The following RTL4 variants were observed in gnomAD, a reference collection of about 807,000 sequenced individuals.
RTL4 encodes the protein retrotransposon Gag-like protein 4.
RTL4 carries 4 observed loss-of-function variants against 5.3 expected under a neutral mutation model. The observed-to-expected ratio is 0.75, with a 90% CI of 0.37 to 1.72. The LOEUF (loss-of-function observed/expected upper bound fraction) is 1.72. Ranked by LOEUF, RTL4 falls within the 40% of genes most tolerant of loss-of-function variation. The probability of loss-of-function intolerance (pLI) is 0.04; values close to 1 mark genes in which losing one functional copy is unlikely to be tolerated. For missense variants in RTL4, 260 were observed against 227.1 expected (o/e 1.14, Z -0.93); for synonymous variants, 98 against 87.3 (o/e 1.12, Z -0.68).
the RTL4 span, among the ~76,000 whole-genome samples, chrX:112,099,605 T>C: frequency 0.16 from 18,178 of 110,503 alleles, 2,299 homozygotes; most frequent in African/African-American, 0.43. Context: ...GAAGGTGTGG[T>C]AGGATATAGA....
upstream of RTL4, among the ~76,000 whole-genome samples, chrX:112,453,695 G>A (rs1163000766): frequency 9.8e-5 from 11 of 112,193 alleles, no homozygotes; most frequent in Non-Finnish European, 7.5e-5. Flanking sequence ...GCTCTTTAGA[G>A]CAGCATTTCT....
At chrX:112,351,488 A>T in the RTL4 span, among the ~76,000 whole-genome samples, 2 of 107,623 alleles carry the variant, frequency 1.9e-5, no homozygotes, top group African/African-American at 3.5e-5. Flanking sequence ...CCCATTATTA[A>T]TGTGTGGGAG....
At chrX:112,426,157 G>A in the RTL4 span, among the ~76,000 whole-genome samples, 2 of 111,496 alleles carry the variant, frequency 1.8e-5, no homozygotes, top group African/African-American at 6.5e-5. Flanking sequence ...TGGATGTCCA[G>A]TTGTTCTAGC....
At chrX:112,381,677 A>T in the RTL4 span, 1 of 1,210,455 alleles carries the variant, frequency 8.3e-7, no homozygotes, top group South Asian at 1.8e-5. Context: ...AAAGGAAAAT[A>T]TCCAATCCAG....
chrX:112,315,133 G>A, the RTL4 span, among the ~76,000 whole-genome samples: 1 of 111,749 alleles, frequency 8.9e-6, no homozygotes, highest in Non-Finnish European at 1.9e-5. Context: ...AAGAGAGAAA[G>A]CTCCAGAAGT....
At chrX:112,130,651 G>A in the RTL4 span, among the ~76,000 whole-genome samples, 2 of 111,118 alleles carry the variant, frequency 1.8e-5, no homozygotes, top group East Asian at 2.8e-4. Context: ...CTAAATGGGA[G>A]TATGACAACT....
At chrX:112,316,264 T>C in the RTL4 span, among the ~76,000 whole-genome samples, 4 of 112,212 alleles carry the variant, frequency 3.6e-5, no homozygotes, top group African/African-American at 9.7e-5. Flanking sequence ...GAAGATTCAA[T>C]AATCCTGTTG....
chrX:112,140,063 G>A, the RTL4 span, among the ~76,000 whole-genome samples: 2,444 of 112,004 alleles, frequency 0.022, 65 homozygotes, highest in African/African-American at 0.076. Context: ...GCATGAAAAC[G>A]GACTAATACA....
At chrX:112,297,099 T>C in the RTL4 span, among the ~76,000 whole-genome samples, 28 of 110,733 alleles carry the variant, frequency 2.5e-4, no homozygotes, top group Admixed American at 4.8e-4. Context: ...TCTGTCATAA[T>C]GTTTTGGAAG....
At chrX:112,099,602 T>C in the RTL4 span, among the ~76,000 whole-genome samples, 2 of 111,023 alleles carry the variant, frequency 1.8e-5, no homozygotes, top group Admixed American at 9.7e-5. Context: ...GGGGAAGGTG[T>C]GGTAGGATAT....
chrX:112,421,220 G>A, the RTL4 span, among the ~76,000 whole-genome samples: 14 of 111,596 alleles, frequency 1.3e-4, no homozygotes, highest in Non-Finnish European at 2.3e-4. Flanking sequence ...GATTTGTCAA[G>A]ACTATTGACA....
the RTL4 span, among the ~76,000 whole-genome samples, chrX:112,233,843 C>G: frequency 8.9e-6 from 1 of 111,733 alleles, no homozygotes; most frequent in Non-Finnish European, 1.9e-5. Flanking sequence ...AGTACCAATT[C>G]CCTGTCTGTT....
At chrX:112,322,926 T>C in the RTL4 span, among the ~76,000 whole-genome samples, 2 of 112,086 alleles carry the variant, frequency 1.8e-5, no homozygotes, top group Non-Finnish European at 3.8e-5. Context: ...CTATAATTTA[T>C]TCAGCCTTCA....
chrX:112,392,317 G>A, the RTL4 span, among the ~76,000 whole-genome samples: 4 of 111,471 alleles, frequency 3.6e-5, no homozygotes, highest in Admixed American at 9.5e-5. Flanking sequence ...ATAACAGTCC[G>A]GACACTTGTC....
chrX:112,455,086 A>C, exon 1 of RTL4: 1 of 1,211,852 alleles, frequency 8.3e-7, no homozygotes. Flanking sequence ...TGACAAGAGT[A>C]CCTTACTGAA....
At chrX:112,339,428 TA>T in the RTL4 span, among the ~76,000 whole-genome samples, 1 of 111,781 alleles carries the variant, frequency 8.9e-6, no homozygotes, top group African/African-American at 3.3e-5. Flanking sequence ...CATTCCAAAT[TA>T]GAGAAATGGT....
chrX:112,262,364 C>G, the RTL4 span, among the ~76,000 whole-genome samples: 3 of 111,994 alleles, frequency 2.7e-5, no homozygotes, highest in Admixed American at 2.8e-4. Flanking sequence ...ACAAACGACA[C>G]AATCAACAAG....
At chrX:112,280,613 T>C in the RTL4 span, among the ~76,000 whole-genome samples, 1 of 110,375 alleles carries the variant, frequency 9.1e-6, no homozygotes, top group Non-Finnish European at 1.9e-5. Flanking sequence ...CTTAGCTTCC[T>C]GAGTAGCTGG....
the RTL4 span, among the ~76,000 whole-genome samples, chrX:112,414,299 A>G: frequency 9.9e-5 from 11 of 111,529 alleles, no homozygotes; most frequent in Admixed American, 9.6e-4. Context: ...TTTGTCTACA[A>G]ATTATTTTCC....
Sources: allele counts gnomAD v4.1 joint callset (sites outside exome capture counted in the v4.1 genomes callset), GRCh38; gene constraint gnomAD v4.1.1; transcripts MANE v1.5; gene names NCBI Gene and HGNC (gene_info 2026-07-23, HGNC 2026-07-21).